Variants in USP39 observed in about 807,000 individuals in gnomAD.
USP39 encodes ubiquitin carboxyl-terminal hydrolase 39.
A neutral mutation model predicts 66.4 loss-of-function variants in USP39; 38 were observed. That is an observed-to-expected ratio of 0.57 (90% CI 0.44 to 0.75). The LOEUF (loss-of-function observed/expected upper bound fraction) is 0.75, where lower values mean the gene tolerates loss of function less well. Among genes scored for constraint, USP39 ranks in the 30% least tolerant of loss-of-function variants. The pLI, the probability that USP39 is intolerant of heterozygous loss-of-function variation, is 0.00. For synonymous variants in USP39, 303 were observed against 274.6 expected, an observed-to-expected ratio of 1.10 and a Z score of -1.02; for missense variants, 608 against 714.4, an observed-to-expected ratio of 0.85 and a Z score of 1.70.
chr2:85,610,515 A>C (rs1673439953), upstream of USP39: 1 of 152,204 alleles, frequency 6.6e-6, no homozygotes, highest in East Asian at 1.9e-4. Context: ...ATCTTGGGCA[A>C]GTTGTTTAAC....
upstream of USP39, chr2:85,608,606 C>T (rs1050137572): frequency 5.0e-6 from 1 of 199,346 alleles, no homozygotes; most frequent in Admixed American, 6.1e-5. Flanking sequence ...AGGCATATGA[C>T]CTCGGTGAGA....
At chr2:85,608,873 C>T (rs1673320904), upstream of USP39, 2 of 1,585,708 alleles carry the variant, frequency 1.3e-6, no homozygotes, top group Non-Finnish European at 1.7e-6. Flanking sequence ...CTGGTACCCC[C>T]ACACTAAATT....
chr2:85,643,626 A>G (rs895146355), intron 10 of USP39, among the ~76,000 whole-genome samples: 4 of 150,902 alleles, frequency 2.7e-5, no homozygotes, highest in Non-Finnish European at 5.9e-5. Flanking sequence ...TAGAGCTCAC[A>G]TGGACTCAGG....
chr2:85,618,726 A>G lies in USP39; in HGVS notation c.269-494A>G, dbSNP rs530036039. Among the ~76,000 whole-genome samples, 54 of 152,098 alleles carry G rather than the reference A, an allele frequency of 3.6e-4. No individual in the cohort carries two copies. In the East Asian group the frequency reaches 9.8e-3, roughly 28 times the overall value. ...CTTCTGTTGATTTTATGTATACCAA[A>G]TATATTCTCCCAGTTTGTGGCTTGT... On this transcript the variant is annotated intron_variant, in intron 1 of 12. Coordinates refer to ENST00000323701, the MANE Select transcript of USP39 (RefSeq NM_006590.4).
rs918991238 is a variant in USP39 at position 85,647,851 on chromosome 2, G to A, written c.1564-79G>A. 3.7e-6 allele frequency: 5 copies of A among 1,355,870 alleles called. No homozygotes were observed. The Admixed American group carries it at 9.0e-5, about 24-fold the overall frequency. The allele number at this position is 1,355,870 out of a possible 1,614,324, so 84.0% of individuals were successfully genotyped here. On this transcript the variant is annotated intron_variant, in intron 11 of 12. Transcript: ENST00000323701. ...AGTGGCTGTTCTTCTAATTTTTCTA[G>A]TCTTGGCTATGATCCTTTCCTTCTA... is the stretch of plus-strand genomic sequence containing the variant.
intron 5 of USP39, among the ~76,000 whole-genome samples, 188 bp downstream of exon 5, chr2:85,625,879 A>G (rs775514260): frequency 4.0e-5 from 6 of 151,636 alleles, no homozygotes; most frequent in Non-Finnish European, 8.8e-5. Context: ...TTAGCTAGAT[A>G]TGGTGGTGGA....
chr2:85,607,985 A>G (rs973274746), upstream of USP39: 3 of 152,228 alleles, frequency 2.0e-5, no homozygotes, highest in Non-Finnish European at 4.4e-5. Context: ...CGTGCTGTCA[A>G]TCAGGCAATT....
At chr2:85,625,901 C>G (rs944293298) in intron 5 of USP39, among the ~76,000 whole-genome samples, 2 of 151,658 alleles carry the variant, frequency 1.3e-5, no homozygotes, top group Non-Finnish European at 2.9e-5. Flanking sequence ...GCCTGTAGTC[C>G]CAGCTATTTG....
upstream of USP39, among the ~76,000 whole-genome samples, chr2:85,612,991 C>T (rs2104180081): frequency 6.6e-6 from 1 of 150,732 alleles, no homozygotes; most frequent in East Asian, 1.9e-4. Context: ...TTTTTCTGAC[C>T]ACTGGGTTCA....
intron 1 of USP39, among the ~76,000 whole-genome samples, chr2:85,616,931 C>A (rs1362425025): frequency 1.3e-5 from 2 of 151,910 alleles, no homozygotes; most frequent in South Asian, 4.1e-4. Flanking sequence ...ACTTCGTGAT[C>A]CGCCCGCCTC....
chr2:85,609,430 C>T (rs372399329), upstream of USP39: 237 of 1,613,540 alleles, frequency 1.5e-4, no homozygotes, highest in African/African-American at 1.7e-4. Context: ...TTCCACCAGG[C>T]GTACCTGATA....
chr2:85,612,126 G>C (rs1673594605), upstream of USP39: 1 of 907,144 alleles, frequency 1.1e-6, no homozygotes, highest in South Asian at 1.8e-5. Context: ...CTGGCCAAGC[G>C]ATGCAGCGCA....
chr2:85,609,577 G>A (rs762155696), upstream of USP39: 22 of 1,614,020 alleles, frequency 1.4e-5, no homozygotes, highest in Admixed American at 2.3e-4. Flanking sequence ...GCGTGGGTGG[G>A]CAGAGACATC....
intron 3 of USP39, among the ~76,000 whole-genome samples, chr2:85,622,076 T>C (rs1674506764): frequency 6.6e-6 from 1 of 152,136 alleles, no homozygotes; most frequent in East Asian, 1.9e-4. Context: ...TGTCTTGGCC[T>C]CCCACAGTGC....
intron 9 of USP39, among the ~76,000 whole-genome samples, chr2:85,640,619 ATTT>A (rs1423006715): frequency 8.1e-6 from 1 of 123,238 alleles, no homozygotes; most frequent in Non-Finnish European, 1.7e-5. Context: ...ATATATATAT[ATTT>A]TTTTTTTCTT....
intron 3 of USP39, 116 bp from the exon 4 acceptor site, chr2:85,623,530 T>C: frequency 7.3e-7 from 1 of 1,377,490 alleles, no homozygotes; most frequent in Non-Finnish European, 9.6e-7. Context: ...TGGCATAATA[T>C]TTGTTTTTTG....
At position 85,645,218 on chromosome 2, in the gene USP39, GTAGT is replaced by G. The variant is rs571683081; in HGVS notation, c.1563+141_1563+144del. On this transcript the variant is annotated intron_variant, in intron 11 of 12. Transcript: ENST00000323701. ...GACTCTGCAAGTAATAGTGCTGTCA[GTAGT>G]TAGTTTAAGGCAGTGGTTCTCAATT... is the stretch of plus-strand genomic sequence containing the variant. The G allele has an allele frequency of 6.1e-3, 7,444 of 1,219,852 alleles. 23 individuals are homozygous for G. The highest frequency in any genetic ancestry group is 7.5e-3 in the Non-Finnish European group (6,627 of 889,324). 75.6% of individuals were successfully genotyped at this position (1,219,852 alleles called of 1,614,324 possible). A position where few individuals can be genotyped will look rare whatever the true frequency, so the allele number is the denominator to read the frequency against.
chr2:85,620,380 G>A (rs1007878314), intron 2 of USP39, among the ~76,000 whole-genome samples: 2 of 151,806 alleles, frequency 1.3e-5, no homozygotes, highest in African/African-American at 4.8e-5. Flanking sequence ...TTGGGGGGCT[G>A]AAGCAGGAGG....
At chr2:85,633,900 G>C (rs1364210383) in intron 6 of USP39, among the ~76,000 whole-genome samples, 4 of 141,782 alleles carry the variant, frequency 2.8e-5, no homozygotes, top group Admixed American at 1.4e-4. Context: ...TGCAGTGGCG[G>C]GATCTCGGCT....
Sources: gnomAD v4.1 joint callset for allele counts (sites outside exome capture counted in the v4.1 genomes callset) on GRCh38, gnomAD v4.1.1 for gene constraint, MANE v1.5 for transcripts, NCBI Gene and HGNC (gene_info 2026-07-23, HGNC 2026-07-21) for gene names.